Variants in PTPRT observed in about 807,000 individuals in gnomAD.
PTPRT encodes the protein receptor-type tyrosine-protein phosphatase T.
In PTPRT, 56 loss-of-function variants were observed where a neutral mutation model predicts 176.8. The ratio of observed to expected loss-of-function variants is 0.32; its 90% confidence interval spans 0.26 to 0.40. The LOEUF (loss-of-function observed/expected upper bound fraction) is 0.40, where lower values mean the gene tolerates loss of function less well. PTPRT is among the 10% of genes least tolerant of loss of function. The pLI is 1.00. For synonymous variants in PTPRT, 783 were observed against 739.0 expected, an observed-to-expected ratio of 1.06 and a Z score of -0.96; for missense variants, 1,540 against 1,908.2, an observed-to-expected ratio of 0.81 and a Z score of 3.60.
At chr20:43,118,759 G>A (rs992341885) in intron 1 of PTPRT, among the ~76,000 whole-genome samples, 1 of 152,092 alleles carries the variant, frequency 6.6e-6, no homozygotes, top group Admixed American at 6.5e-5. Context: ...TTTTATAAAC[G>A]AAGATACTAA....
chr20:42,309,652 T>C lies in PTPRT; in HGVS notation c.2139+6071A>G, dbSNP rs1163201862. On this transcript the variant is annotated intron_variant, in intron 12 of 30. Coordinates refer to ENST00000373187, the MANE Select transcript of PTPRT (RefSeq NM_007050.6). Reference sequence around the variant, plus strand: ...CCTCAAACAGACTGTGTGAAGTATATATTACTATTTCAATTTATAAGTGAG... The same window carrying C: ...CCTCAAACAGACTGTGTGAAGTATACATTACTATTTCAATTTATAAGTGAG... 2.0e-5 allele frequency among the ~76,000 whole-genome samples: 3 copies of C among 152,342 alleles called. No individual in the cohort carries two copies. In the South Asian group the frequency reaches 6.2e-4, roughly 32 times the overall value.
intron 1 of PTPRT, among the ~76,000 whole-genome samples, chr20:43,075,347 G>A (rs959313100): frequency 6.6e-6 from 1 of 152,268 alleles, no homozygotes; most frequent in African/African-American, 2.4e-5. Flanking sequence ...CTCTCCTGCG[G>A]AGATGCACAC....
At chr20:43,129,471 C>T (rs1232847239) in intron 1 of PTPRT, among the ~76,000 whole-genome samples, 1 of 152,130 alleles carries the variant, frequency 6.6e-6, no homozygotes, top group Non-Finnish European at 1.5e-5. Flanking sequence ...TCTGAGCCCA[C>T]AATTTTTATA....
chr20:42,059,513 T>C, the PTPRT span, among the ~76,000 whole-genome samples: 3 of 152,208 alleles, frequency 2.0e-5, no homozygotes, highest in African/African-American at 4.8e-5. Context: ...TTGAATCATA[T>C]GAAATTGTGA....
chr20:42,944,078 G>T (rs1357044970), intron 1 of PTPRT, among the ~76,000 whole-genome samples: 1 of 151,938 alleles, frequency 6.6e-6, no homozygotes, highest in Non-Finnish European at 1.5e-5. Context: ...TTGAAATTAA[G>T]CCCCCACTGC....
At chr20:43,072,760 C>T (rs542201950) in intron 1 of PTPRT, among the ~76,000 whole-genome samples, 11 of 152,162 alleles carry the variant, frequency 7.2e-5, no homozygotes, top group Non-Finnish European at 1.6e-4. Flanking sequence ...CATTTGAACA[C>T]TAATGAAAAG....
chr20:42,344,726 C>A (rs999736930), intron 11 of PTPRT, among the ~76,000 whole-genome samples: 1 of 152,144 alleles, frequency 6.6e-6, no homozygotes, highest in African/African-American at 2.4e-5. Context: ...GGGCACTCAC[C>A]TTCCCAATGT....
chr20:42,341,524 G>A (rs2058111384), intron 11 of PTPRT, among the ~76,000 whole-genome samples: 1 of 151,992 alleles, frequency 6.6e-6, no homozygotes, highest in Non-Finnish European at 1.5e-5. Context: ...CTACCTCTTT[G>A]GCCAGTCCTT....
At chr20:43,033,032 G>A (rs1262458220) in intron 1 of PTPRT, among the ~76,000 whole-genome samples, 1 of 152,194 alleles carries the variant, frequency 6.6e-6, no homozygotes, top group African/African-American at 2.4e-5. Flanking sequence ...TCTGTGTGGT[G>A]TGTGCGGTAC....
At chr20:42,825,762 C>T (rs1430730020) in intron 2 of PTPRT, among the ~76,000 whole-genome samples, 1 of 152,050 alleles carries the variant, frequency 6.6e-6, no homozygotes, top group Non-Finnish European at 1.5e-5. Context: ...TTGAGAGATG[C>T]AAACATTTTG....
intron 1 of PTPRT, among the ~76,000 whole-genome samples, chr20:42,959,361 C>T (rs1315610123): frequency 5.3e-5 from 8 of 152,154 alleles, no homozygotes; most frequent in Admixed American, 2.0e-4. Context: ...ACTAATTTCT[C>T]GCCCTAAACT....
chr20:42,964,372 T>G (rs1305535779), intron 1 of PTPRT, among the ~76,000 whole-genome samples: 1 of 152,088 alleles, frequency 6.6e-6, no homozygotes, highest in Non-Finnish European at 1.5e-5. Flanking sequence ...CATATCAAAG[T>G]AAAATTCAAA....
chr20:42,698,412 G>T (rs2075917780), intron 6 of PTPRT, among the ~76,000 whole-genome samples: 1 of 152,124 alleles, frequency 6.6e-6, no homozygotes, highest in African/African-American at 2.4e-5. Context: ...ACACCTAAAT[G>T]GCAAACGCCT....
At chr20:42,767,866 G>A (rs1284821144) in intron 5 of PTPRT, among the ~76,000 whole-genome samples, 1 of 143,318 alleles carries the variant, frequency 7.0e-6, no homozygotes, top group Non-Finnish European at 1.5e-5. Flanking sequence ...TTTGTTATAT[G>A]TATAACATAT....
chr20:42,209,145 C>A (rs879604077), intron 15 of PTPRT, among the ~76,000 whole-genome samples: 15 of 152,214 alleles, frequency 9.9e-5, no homozygotes, highest in Non-Finnish European at 1.5e-4. Flanking sequence ...ACATTTAAAG[C>A]AGTGTGTAGA....
intron 2 of PTPRT, among the ~76,000 whole-genome samples, chr20:42,865,891 C>T (rs1389417392): frequency 6.6e-6 from 1 of 152,192 alleles, no homozygotes; most frequent in Non-Finnish European, 1.5e-5. Flanking sequence ...CTCAGGCTCC[C>T]ATTCCTCTAC....
At chr20:42,937,346 C>T (rs1004816651) in intron 1 of PTPRT, among the ~76,000 whole-genome samples, 5 of 152,136 alleles carry the variant, frequency 3.3e-5, no homozygotes, top group Admixed American at 6.5e-5. Flanking sequence ...GGTCATCTTT[C>T]CCACGTGTGC....
At chr20:42,849,409 C>T (rs1337630832) in intron 2 of PTPRT, among the ~76,000 whole-genome samples, 1 of 152,224 alleles carries the variant, frequency 6.6e-6, no homozygotes, top group African/African-American at 2.4e-5. Flanking sequence ...ATTAATCCAA[C>T]ATTTACAGAA....
intron 1 of PTPRT, among the ~76,000 whole-genome samples, chr20:43,031,513 G>A (rs1464504835): frequency 6.6e-6 from 1 of 152,136 alleles, no homozygotes; most frequent in Admixed American, 6.5e-5. Context: ...CCCAGTCTAA[G>A]GTATTTCGTT....
Sources: gnomAD v4.1 joint callset for allele counts (sites outside exome capture counted in the v4.1 genomes callset) on GRCh38, gnomAD v4.1.1 for gene constraint, MANE v1.5 for transcripts, NCBI Gene and HGNC (gene_info 2026-07-23, HGNC 2026-07-21) for gene names.